Variants in GRID2 observed in about 807,000 individuals in gnomAD.
GRID2 encodes the protein glutamate ionotropic receptor delta type subunit 2.
GRID2 carries 33 observed loss-of-function variants against 114.8 expected under a neutral mutation model. The observed-to-expected ratio is 0.29, with a 90% CI of 0.22 to 0.38. GRID2 has a LOEUF of 0.38. GRID2 is among the 10% of genes least tolerant of loss of function. GRID2 has a pLI of 1.00. For missense variants in GRID2, 1,184 were observed against 1,257.7 expected, an observed-to-expected ratio of 0.94 and a Z score of 0.89; for synonymous variants, 505 against 449.9, an observed-to-expected ratio of 1.12 and a Z score of -1.55.
intron 8 of GRID2, among the ~76,000 whole-genome samples, chr4:93,317,986 A>AATATATATATATAT (rs58755199): frequency 0.014 from 1,448 of 100,658 alleles, 68 homozygotes; most frequent in Non-Finnish European, 0.02. Context: ...TTAAAAGTGA[A>AATATATATATATAT]ATATATATAT....
chr4:93,104,666 C>T (rs1184030308), intron 3 of GRID2, among the ~76,000 whole-genome samples: 3 of 152,232 alleles, frequency 2.0e-5, no homozygotes, highest in Non-Finnish European at 2.9e-5. Flanking sequence ...CATAGTATTC[C>T]GTGGTGTATA....
At chr4:93,591,966 G>A (rs1306940824) in intron 13 of GRID2, among the ~76,000 whole-genome samples, 1 of 151,734 alleles carries the variant, frequency 6.6e-6, no homozygotes, top group Admixed American at 6.6e-5. Context: ...TATTAGTCTT[G>A]CTAGTGCTCT....
At chr4:93,781,659 C>A (rs1734481423) in intron 1 of GRID2, among the ~76,000 whole-genome samples, 1 of 152,062 alleles carries the variant, frequency 6.6e-6, no homozygotes, top group South Asian at 2.1e-4. Context: ...TATGCAAATT[C>A]TTCTGTATAA....
intron 1 of GRID2, among the ~76,000 whole-genome samples, chr4:92,513,003 G>T (rs1724331093): frequency 6.6e-6 from 1 of 151,810 alleles, no homozygotes; most frequent in South Asian, 2.1e-4. Context: ...ATAAGTACAA[G>T]ATTAACATAT....
At chr4:93,658,380 T>A (rs913049181) in intron 14 of GRID2, among the ~76,000 whole-genome samples, 6 of 152,174 alleles carry the variant, frequency 3.9e-5, no homozygotes, top group Non-Finnish European at 5.9e-5. Flanking sequence ...TTATTTAATA[T>A]TGAAATAATA....
intron 13 of GRID2, among the ~76,000 whole-genome samples, chr4:93,577,301 C>A (rs1736517620): frequency 6.6e-6 from 1 of 152,054 alleles, no homozygotes; most frequent in African/African-American, 2.4e-5. Context: ...AGGGAGTTGT[C>A]ATGGAAACAT....
chr4:93,223,230 G>C (rs1745099873), intron 6 of GRID2, among the ~76,000 whole-genome samples: 1 of 152,062 alleles, frequency 6.6e-6, no homozygotes, highest in Non-Finnish European at 1.5e-5. Flanking sequence ...ATGGGGAGTG[G>C]CTGGGATAGG....
chr4:92,386,986 T>A (rs893803806), intron 1 of GRID2, among the ~76,000 whole-genome samples: 1 of 151,954 alleles, frequency 6.6e-6, no homozygotes, highest in African/African-American at 2.4e-5. Flanking sequence ...ACTCTGTTTC[T>A]TGATTGCATA....
intron 1 of GRID2, among the ~76,000 whole-genome samples, chr4:92,322,040 A>G (rs543773865): frequency 8.4e-4 from 128 of 152,306 alleles, no homozygotes; most frequent in African/African-American, 2.7e-3. Flanking sequence ...ACTTACATGT[A>G]CTGCTAATCA....
At chr4:92,935,391 G>A (rs890200740) in intron 2 of GRID2, among the ~76,000 whole-genome samples, 9 of 146,882 alleles carry the variant, frequency 6.1e-5, no homozygotes, top group Non-Finnish European at 1.1e-4. Context: ...AACAACAGGT[G>A]CTGGAGAGGA....
intron 4 of GRID2, among the ~76,000 whole-genome samples, chr4:93,186,234 A>G (rs1740409225): frequency 6.6e-6 from 1 of 152,146 alleles, no homozygotes; most frequent in African/African-American, 2.4e-5. Context: ...TAGTAGCATG[A>G]TTTATATACT....
At position 92,738,954 on chromosome 4, in the gene GRID2, C is replaced by T. The variant is rs539616956; in HGVS notation, c.244+148668C>T. Among the ~76,000 whole-genome samples, 7 of 152,218 alleles carry T rather than the reference C, an allele frequency of 4.6e-5. No individual in the cohort carries two copies. In the South Asian group the frequency reaches 6.2e-4, roughly 14 times the overall value. The stretch of plus-strand genomic sequence containing the variant: ...AAGTGCTGGGATTACAGGCAGGCGC[C>T]GTAACACACAGTATGATTTTCTTTA... On this transcript the variant is annotated intron_variant, in intron 2 of 15. Transcript: ENST00000282020.
In GRID2 at chr4:92,533,192, G is replaced by GT. The variant is rs146847345; in HGVS notation, c.89-56931dup. Among the ~76,000 whole-genome samples, 1,319 of 148,158 alleles carry GT rather than the reference G, an allele frequency of 8.9e-3. 20 individuals carry two copies. The highest frequency in any genetic ancestry group is 0.029 in the African/African-American group (1,193 of 40,544). On this transcript the variant is annotated intron_variant, in intron 1 of 15. Coordinates refer to ENST00000282020, the MANE Select transcript of GRID2 (RefSeq NM_001510.4). ...CTGCACAACTTTGGTGTGTTTTTTT[G>GT]TTTTTTTTGTTTTTTTTTTGAGAAA...
chr4:92,350,191 T>C (rs1213140894), intron 1 of GRID2, among the ~76,000 whole-genome samples: 1 of 151,906 alleles, frequency 6.6e-6, no homozygotes, highest in Non-Finnish European at 1.5e-5. Context: ...TACCTCATTT[T>C]TTCATGGCAT....
intron 2 of GRID2, among the ~76,000 whole-genome samples, chr4:92,944,635 C>T (rs550579958): frequency 9.9e-5 from 15 of 152,214 alleles, no homozygotes; most frequent in Non-Finnish European, 1.9e-4. Context: ...TAGAAATCAC[C>T]TCTCTTGTGC....
At chr4:93,044,280 A>G (rs182416476) in intron 2 of GRID2, among the ~76,000 whole-genome samples, 4 of 152,280 alleles carry the variant, frequency 2.6e-5, no homozygotes, top group Non-Finnish European at 5.9e-5. Context: ...AAACGTTGTT[A>G]TATCTTTGGA....
At chr4:92,882,001 T>C (rs986514691) in intron 2 of GRID2, among the ~76,000 whole-genome samples, 2 of 152,204 alleles carry the variant, frequency 1.3e-5, no homozygotes, top group African/African-American at 2.4e-5. Context: ...GGTAATATTC[T>C]TAGGACACAT....
chr4:93,464,814 T>C (rs1012432830), intron 11 of GRID2, among the ~76,000 whole-genome samples: 2 of 152,216 alleles, frequency 1.3e-5, no homozygotes, highest in African/African-American at 2.4e-5. Flanking sequence ...TATTTACAGC[T>C]CTTTATCTTA....
chr4:92,848,384 A>G (rs960731623), intron 2 of GRID2, among the ~76,000 whole-genome samples: 1 of 149,872 alleles, frequency 6.7e-6, no homozygotes, highest in Admixed American at 6.7e-5. Context: ...TTCTCTCTTC[A>G]CTCCTCTTCT....
Sources: allele counts gnomAD v4.1 joint callset (sites outside exome capture counted in the v4.1 genomes callset), GRCh38; gene constraint gnomAD v4.1.1; transcripts MANE v1.5; gene names NCBI Gene and HGNC (gene_info 2026-07-23, HGNC 2026-07-21).